The following AFF1 variants were observed in gnomAD, a reference collection of about 807,000 sequenced individuals.
AFF1 encodes the protein ALF transcription elongation factor 1.
In AFF1, 48 loss-of-function variants were observed where a neutral mutation model predicts 121.7. The ratio of observed to expected loss-of-function variants is 0.39; its 90% confidence interval spans 0.31 to 0.50. The LOEUF is 0.50. Ranked by LOEUF, AFF1 falls within the 20% of genes least tolerant of loss-of-function variation. The pLI is 0.76. For missense variants in AFF1, 1,523 were observed against 1,511.7 expected (o/e 1.01, Z -0.12); for synonymous variants, 613 against 563.0 (o/e 1.09, Z -1.26).
At chr4:87,046,059 T>G (rs1230220456) in intron 2 of AFF1, 107 bp from the exon 3 acceptor site, 1 of 1,373,686 alleles carries the variant, frequency 7.3e-7, no homozygotes, top group African/African-American at 1.5e-5. Flanking sequence ...CATCACTGCT[T>G]CTTCCCAGAC....
intron 4 of AFF1, among the ~76,000 whole-genome samples, chr4:87,071,444 AC>A (rs1350022050): frequency 6.6e-6 from 1 of 152,190 alleles, no homozygotes; most frequent in East Asian, 1.9e-4. Flanking sequence ...TGTAGAAATA[AC>A]ACTGCTCATT....
chr4:86,976,259 T>C (rs980624458), intron 2 of AFF1, among the ~76,000 whole-genome samples: 2 of 152,104 alleles, frequency 1.3e-5, no homozygotes, highest in Non-Finnish European at 2.9e-5. Context: ...ACTCACATTC[T>C]GGTATTATTA....
rs757990560 is a variant in AFF1, at chr4:87,114,838, G to C, written c.2005G>C (p.Ala669Pro). ...CGCAGCAAGCAACGAACCCAAGCCA[G>C]CAGTGCCCCCCTCCAGTGAGAAGAA... ...RAAASNEPKP[A>P]VPPSSEKKKH... Residue 669 changes from alanine (A) to proline (P), a missense_variant, in exon 12 of 21, where the codon GCA (alanine) becomes CCA (proline). By Grantham distance (27) the Ala-to-Pro change is conservative. Around this residue, in one of 5 missense-constraint regions of AFF1, gnomAD observed 905 missense variants for 842.5 expected, o/e 1.07. Transcript: ENST00000395146. The C allele has an allele frequency of 6.2e-7, 1 of 1,613,862 alleles. No homozygotes were observed. Among genetic ancestry groups the C allele is most frequent in the Non-Finnish European group, 8.5e-7 (1 of 1,179,900 alleles).
chr4:87,033,483 A>G (rs572777727), intron 2 of AFF1, among the ~76,000 whole-genome samples: 3 of 152,256 alleles, frequency 2.0e-5, no homozygotes, highest in East Asian at 3.9e-4. Flanking sequence ...CTGTGTTCCA[A>G]GCTGTTCTAT....
intron 2 of AFF1, among the ~76,000 whole-genome samples, chr4:86,980,459 C>T (rs1408699075): frequency 6.6e-6 from 1 of 152,092 alleles, no homozygotes; most frequent in Admixed American, 6.6e-5. Flanking sequence ...CCACTGCATT[C>T]CAGCCTGGGC....
At chr4:86,973,126 A>G (rs1381249016) in intron 2 of AFF1, among the ~76,000 whole-genome samples, 50 of 152,152 alleles carry the variant, frequency 3.3e-4, no homozygotes, top group Admixed American at 3.3e-3. Flanking sequence ...GTTGCAATCA[A>G]CTTGGAGTGC....
At chr4:86,987,656 T>TA (rs1323935598) in intron 2 of AFF1, among the ~76,000 whole-genome samples, 2 of 152,182 alleles carry the variant, frequency 1.3e-5, no homozygotes, top group African/African-American at 4.8e-5. Context: ...ATTTGTGTTT[T>TA]AAAAATCATT....
chr4:86,943,965 TA>T (rs70953626), intron 1 of AFF1, among the ~76,000 whole-genome samples: 139,696 of 150,826 alleles, frequency 0.93, 65,420 homozygotes, highest in Non-Finnish European at 1. Flanking sequence ...CTACCCAAAA[TA>T]AAAAAAACAA....
chr4:87,006,857 C>A, intron 2 of AFF1: 3 of 677,132 alleles, frequency 4.4e-6, no homozygotes, highest in Non-Finnish European at 5.6e-6. Context: ...CCGACCCTGC[C>A]TGCCGCTTGC....
chr4:86,948,635 G>T, intron 2 of AFF1, 64 bp downstream of exon 2: 1 of 1,467,674 alleles, frequency 6.8e-7, no homozygotes, highest in South Asian at 1.3e-5. Context: ...ACTTTTCAAT[G>T]AATAAGTTTG....
At chr4:86,971,681 A>T (rs959088751) in intron 2 of AFF1, among the ~76,000 whole-genome samples, 1 of 152,216 alleles carries the variant, frequency 6.6e-6, no homozygotes, top group East Asian at 1.9e-4. Context: ...GCAATACTCT[A>T]TCTTTAAGGA....
chr4:87,013,836 C>T (rs1287589318), intron 2 of AFF1, among the ~76,000 whole-genome samples: 2 of 151,918 alleles, frequency 1.3e-5, no homozygotes, highest in African/African-American at 2.4e-5. Context: ...TTCTGCTCCC[C>T]CTCCCCCAGA....
At chr4:87,006,468 A>G (rs946160783) in intron 2 of AFF1, among the ~76,000 whole-genome samples, 8 of 152,044 alleles carry the variant, frequency 5.3e-5, no homozygotes, top group Non-Finnish European at 1.2e-4. Flanking sequence ...ATGAGGTACT[A>G]TTTTTCCTGT....
intron 4 of AFF1, chr4:87,047,858 A>G: frequency 3.7e-6 from 2 of 537,174 alleles, no homozygotes; most frequent in South Asian, 3.8e-5. Context: ...TAAAACATAG[A>G]GATCATAAGA....
chr4:87,020,505 G>C (rs1727790510), intron 2 of AFF1, among the ~76,000 whole-genome samples: 1 of 152,120 alleles, frequency 6.6e-6, no homozygotes, highest in South Asian at 2.1e-4. Flanking sequence ...TTTTGTTTCA[G>C]ATGGAGTCTT....
intron 2 of AFF1, chr4:87,007,224 G>T (rs1481998662): frequency 2.1e-6 from 3 of 1,456,308 alleles, no homozygotes; most frequent in Admixed American, 2.8e-5. Context: ...GCCAATACGG[G>T]CCGAGCCCGG....
chr4:87,017,822 T>A (rs11937693), intron 2 of AFF1, among the ~76,000 whole-genome samples: 6,766 of 152,156 alleles, frequency 0.044, 484 homozygotes, highest in African/African-American at 0.15. Flanking sequence ...CGACTTCAGT[T>A]AAAGATAGAT....
intron 6 of AFF1, 119 bp downstream of exon 6, chr4:87,090,189 TATG>T (rs1724160473): frequency 1.3e-6 from 1 of 770,464 alleles, no homozygotes; most frequent in Admixed American, 2.6e-5. Context: ...AGGTTAAAAT[TATG>T]ATTAATTTAG....
intron 2 of AFF1, among the ~76,000 whole-genome samples, chr4:87,003,100 T>C (rs904022691): frequency 3.3e-5 from 5 of 152,224 alleles, no homozygotes; most frequent in Admixed American, 3.3e-4. Flanking sequence ...TTAGTAATTT[T>C]AGATGTATTA....
Sources: allele counts gnomAD v4.1 joint callset (sites outside exome capture counted in the v4.1 genomes callset), GRCh38; gene constraint gnomAD v4.1.1; regional missense constraint gnomAD v4.1.1; transcripts MANE v1.5; gene names NCBI Gene and HGNC (gene_info 2026-07-23, HGNC 2026-07-21).